MCM3AP: variants seen among roughly 807,000 people sequenced by gnomAD.
MCM3AP encodes the protein minichromosome maintenance complex component 3 associated protein, also known as germinal-center associated nuclear protein.
Under a neutral mutation model 184.1 loss-of-function variants are expected in MCM3AP, and 126 were observed. The observed-to-expected ratio is 0.68, with a 90% CI of 0.59 to 0.79. The LOEUF (loss-of-function observed/expected upper bound fraction) is 0.79. MCM3AP is among the 30% of genes least tolerant of loss of function. The pLI is 0.00. For synonymous variants in MCM3AP, 1,002 were observed against 979.3 expected (o/e 1.02, Z -0.43); for missense variants, 2,496 against 2,479.2 (o/e 1.01, Z -0.14).
chr21:46,246,648 A>G lies in MCM3AP; in HGVS notation c.4529T>C (p.Val1510Ala), dbSNP rs781216052. ...VLVPSPGGDAVEKEVEDGLML... is the reference protein window; with the variant it reads ...VLVPSPGGDAAEKEVEDGLML... Reference sequence around the variant, plus strand: ...CAAACCATCTTCTACTTCCTTCTCAACGGCGTCCCCTCCTGGGCTAGGCAC... The same window carrying G: ...CAAACCATCTTCTACTTCCTTCTCAGCGGCGTCCCCTCCTGGGCTAGGCAC... Residue 1510 changes from valine (V) to alanine (A), a missense_variant, in exon 21 of 28, where the codon GTT (valine) becomes GCT (alanine). By Grantham distance (64) the Val-to-Ala change is moderately conservative (BLOSUM62 0). Coordinates refer to ENST00000291688, the MANE Select transcript of MCM3AP (RefSeq NM_003906.5). 7 of 1,610,876 alleles carry G rather than the reference A, an allele frequency of 4.3e-6. No homozygotes were observed. The Admixed American group carries it at 5.0e-5, about 12-fold the overall frequency.
chr21:46,259,179 G>C, intron 15 of MCM3AP, 88 bp from the exon 16 acceptor site: 2 of 1,379,456 alleles, frequency 1.4e-6, no homozygotes, highest in South Asian at 2.8e-5. Flanking sequence ...GAGTCAGTCA[G>C]GCGCGGTGGC....
In MCM3AP at chr21:46,244,797, A is replaced by C; in HGVS notation, c.5038+10T>G. 3 of 1,600,992 alleles carry C rather than the reference A, an allele frequency of 1.9e-6. No individual in the cohort carries two copies. The highest frequency in any genetic ancestry group is 2.7e-5 in the African/African-American group (2 of 74,854). ...GCCACCCACCAGACCTCCCCAGGTC[A>C]AGCACGTACCCCCCAGGGGTGGAAG... is the stretch of plus-strand genomic sequence containing the variant. On this transcript the variant is annotated intron_variant, in intron 23 of 27. Coordinates refer to ENST00000291688, the MANE Select transcript of MCM3AP (RefSeq NM_003906.5).
intron 26 of MCM3AP, 23 bp from the exon 27 acceptor site, chr21:46,237,002 C>A (rs775526913): frequency 1.4e-6 from 2 of 1,448,190 alleles, no homozygotes; most frequent in Non-Finnish European, 1.8e-6. Context: ...GTAATAAATT[C>A]AAAAATATTT....
At chr21:46,280,833 T>A (rs2081322776) in intron 2 of MCM3AP, among the ~76,000 whole-genome samples, 1 of 150,876 alleles carries the variant, frequency 6.6e-6, no homozygotes, top group South Asian at 2.1e-4. Flanking sequence ...TGAGACAGAG[T>A]CTCGCTCTGT....
chr21:46,277,680 G>C lies in MCM3AP; in HGVS notation c.1705C>G (p.Gln569Glu). 1 of 1,602,778 alleles carries C rather than the reference G, an allele frequency of 6.2e-7. No individual in the cohort carries two copies. The highest frequency in any genetic ancestry group is 8.5e-7 in the Non-Finnish European group (1 of 1,174,656). The change falls in exon 5 of 28, where the codon CAA becomes GAA. Residue 569 changes from glutamine (Q) to glutamate (E), a missense_variant. Physicochemically the swap from Gln to Glu is conservative, Grantham distance 29. Transcript: ENST00000291688. ...GAGTCAAAAGAGTCTCCCTCGAATT[G>C]GTGGGCCTTTAGAAGACTTGGCTTC... The part of the protein sequence containing the change: ...VKKPSLLKAH[Q>E]FEGDSFDSAS...
chr21:46,259,959 C>T (rs530850287), intron 15 of MCM3AP, among the ~76,000 whole-genome samples: 19 of 150,558 alleles, frequency 1.3e-4, no homozygotes, highest in Non-Finnish European at 2.4e-4. Flanking sequence ...GCCTGTAATT[C>T]CAGCTACTTG....
chr21:46,239,238 G>A (rs889655880), intron 26 of MCM3AP, among the ~76,000 whole-genome samples: 5 of 152,216 alleles, frequency 3.3e-5, no homozygotes, highest in African/African-American at 1.2e-4. Context: ...TTGATTGCAG[G>A]TGAAAGAGGG....
intron 26 of MCM3AP, 121 bp from the exon 27 acceptor site, chr21:46,237,100 A>ATC (rs1857027986): frequency 4.8e-6 from 1 of 207,232 alleles, no homozygotes; most frequent in Non-Finnish European, 8.5e-6. Flanking sequence ...ATTTTATATA[A>ATC]TTTTTTTTTT....
rs751043309 is a variant in MCM3AP, at chr21:46,246,716, C to A, written c.4461G>T (p.Leu1487=). ...GCGCAGGCTGGAAGGGCTTAGCCTG[C>A]AGGAGCTGCTTGAGCTGCAGCAAGG... ...LSALLQLKQL[L]QAKPFQPALP... is the part of the protein sequence containing the mutation. Residue 1487 remains leucine, a synonymous_variant, in exon 21 of 28, where the codon CTG becomes CTT. Coordinates refer to ENST00000291688, the MANE Select transcript of MCM3AP (RefSeq NM_003906.5). 3.7e-6 allele frequency: 6 copies of A among 1,614,260 alleles called. No individual in the cohort carries two copies. The highest frequency in any genetic ancestry group is 5.1e-6 in the Non-Finnish European group (6 of 1,180,034).
intron 9 of MCM3AP, 39 bp from the exon 10 acceptor site, chr21:46,267,181 G>A: frequency 1.3e-6 from 2 of 1,590,086 alleles, no homozygotes. Context: ...CTCAGACGAA[G>A]GCCCAGTCAG....
chr21:46,258,468 T>C (rs2080989853), intron 16 of MCM3AP, among the ~76,000 whole-genome samples: 1 of 152,250 alleles, frequency 6.6e-6, no homozygotes, highest in Non-Finnish European at 1.5e-5. Context: ...TTCTTTTCTT[T>C]AGGGTTATAC....
chr21:46,255,264 A>T (rs528454738), intron 17 of MCM3AP, among the ~76,000 whole-genome samples: 2 of 152,202 alleles, frequency 1.3e-5, no homozygotes, highest in Non-Finnish European at 2.9e-5. Flanking sequence ...TTCTGGAAAC[A>T]GCAGAGGGCA....
chr21:46,280,267 A>G (rs574020600), intron 3 of MCM3AP, 130 bp from the exon 4 acceptor site: 2 of 1,091,280 alleles, frequency 1.8e-6, no homozygotes, highest in Admixed American at 4.4e-5. Flanking sequence ...GCCCAAGGAA[A>G]TAACTGTGAG....
At chr21:46,258,807 T>C in intron 16 of MCM3AP, 132 bp downstream of exon 16, 2 of 870,360 alleles carry the variant, frequency 2.3e-6, no homozygotes, top group Non-Finnish European at 1.9e-6. Flanking sequence ...CTATTTTAGG[T>C]ATTCATTGCT....
rs201207310 is a variant in MCM3AP at position 46,243,485 on chromosome 21, G to T, written c.5276C>A (p.Pro1759His). The T allele has an allele frequency of 3.1e-6, 5 of 1,611,886 alleles. No individual in the cohort carries two copies. Among genetic ancestry groups the T allele is most frequent in the East Asian group, 2.2e-5 (1 of 44,860 alleles). Reference sequence around the variant, plus strand: ...ATTACCTGATGTAACAGGAAGCCGGGGGGGCGTCCAGTCTCTCAGCTTGTG... The same window carrying T: ...ATTACCTGATGTAACAGGAAGCCGGTGGGGCGTCCAGTCTCTCAGCTTGTG... Reference protein sequence around the residue: ...INHKLRDWTPPRLPVTSEALS... With the variant: ...INHKLRDWTPHRLPVTSEALS... The change falls in exon 24 of 28, where the codon CCC (proline) becomes CAC (histidine). Residue 1759 changes from proline to histidine, a missense_variant. Around this residue, in one of 5 missense-constraint regions of MCM3AP, gnomAD observed 1,323 missense variants for 1,273.4 expected, o/e 1.04. Transcript: ENST00000291688.
chr21:46,260,966 T>C (rs912855531), intron 14 of MCM3AP, 60 bp from the exon 15 acceptor site: 293 of 1,339,490 alleles, frequency 2.2e-4, no homozygotes, highest in Non-Finnish European at 2.9e-4. Context: ...AAGTGCTGTT[T>C]GTTTTACTCC....
At chr21:46,281,009 T>G (rs1984597264) in intron 2 of MCM3AP, among the ~76,000 whole-genome samples, 1 of 152,228 alleles carries the variant, frequency 6.6e-6, no homozygotes, top group Non-Finnish European at 1.5e-5. Context: ...TTTCACCGTG[T>G]TAGCCAGGAT....
intron 9 of MCM3AP, among the ~76,000 whole-genome samples, chr21:46,268,535 C>A (rs1386741031): frequency 6.6e-6 from 1 of 152,188 alleles, no homozygotes; most frequent in Admixed American, 6.5e-5. Flanking sequence ...CTGGTGGGGG[C>A]CCTGCTGAGG....
chr21:46,256,013 G>A (rs936032170), intron 17 of MCM3AP, among the ~76,000 whole-genome samples: 5 of 152,218 alleles, frequency 3.3e-5, no homozygotes, highest in East Asian at 1.9e-4. Context: ...AAACCCACAA[G>A]ACAGTTTTCA....
Sources: allele counts gnomAD v4.1 joint callset (sites outside exome capture counted in the v4.1 genomes callset), GRCh38; gene constraint gnomAD v4.1.1; regional missense constraint gnomAD v4.1.1; transcripts MANE v1.5; gene names NCBI Gene and HGNC (gene_info 2026-07-23, HGNC 2026-07-21).